Variants in ARHGAP15 observed in about 807,000 individuals in gnomAD.
The protein encoded by ARHGAP15 is Rho GTPase activating protein 15.
Under a neutral mutation model 63.7 loss-of-function variants are expected in ARHGAP15, and 51 were observed. The ratio of observed to expected loss-of-function variants is 0.80; its 90% CI spans 0.64 to 1.01. ARHGAP15 has a LOEUF of 1.01. Among genes scored for constraint, ARHGAP15 ranks in the 50% least tolerant of loss-of-function variants. The pLI is 0.00. For synonymous variants in ARHGAP15, 191 were observed against 193.8 expected, an observed-to-expected ratio of 0.99 and a Z score of 0.12; for missense variants, 560 against 564.6, an observed-to-expected ratio of 0.99 and a Z score of 0.08.
chr2:143,403,668 A>C (rs898961287), intron 6 of ARHGAP15, among the ~76,000 whole-genome samples: 12 of 151,948 alleles, frequency 7.9e-5, no homozygotes, highest in Admixed American at 5.9e-4. Context: ...ATATGAAAAC[A>C]GACCAGAAAA....
At chr2:143,611,002 T>C (rs1004682214) in intron 11 of ARHGAP15, among the ~76,000 whole-genome samples, 1 of 152,142 alleles carries the variant, frequency 6.6e-6, no homozygotes, top group African/African-American at 2.4e-5. Context: ...GTTCTAGGAT[T>C]ACAGGCGTGA....
Sources: allele counts gnomAD v4.1 joint callset (sites outside exome capture counted in the v4.1 genomes callset), GRCh38; gene constraint gnomAD v4.1.1; transcripts MANE v1.5; gene names NCBI Gene and HGNC (gene_info 2026-07-23, HGNC 2026-07-21).